CSMD1: variants seen among roughly 807,000 people sequenced by gnomAD.
CSMD1 encodes CUB and sushi domain-containing protein 1.
A neutral mutation model predicts 417.5 loss-of-function variants in CSMD1; 213 were observed. That is an observed-to-expected ratio of 0.51 (90% CI 0.46 to 0.57). The LOEUF (loss-of-function observed/expected upper bound fraction) is 0.57. Among genes scored for constraint, CSMD1 ranks in the 20% least tolerant of loss-of-function variants. The pLI is 0.00. For synonymous variants in CSMD1, 2,862 were observed against 1,736.8 expected, an observed-to-expected ratio of 1.65 and a Z score of -16.11; for missense variants, 6,923 against 4,529.7, an observed-to-expected ratio of 1.53 and a Z score of -15.17.
chr8:3,681,423 T>C (rs1314889110), intron 7 of CSMD1, among the ~76,000 whole-genome samples: 22 of 152,148 alleles, frequency 1.4e-4, no homozygotes, highest in Non-Finnish European at 1.5e-5. Flanking sequence ...AAATCATGAG[T>C]GAACTCCCAT....
intron 3 of CSMD1, among the ~76,000 whole-genome samples, chr8:4,303,309 G>T (rs774243501): frequency 6.6e-6 from 1 of 151,862 alleles, no homozygotes; most frequent in Non-Finnish European, 1.5e-5. Context: ...TTATAACCTG[G>T]CACTGACAAA....
At chr8:4,362,066 A>C (rs1801799026) in intron 3 of CSMD1, among the ~76,000 whole-genome samples, 1 of 152,186 alleles carries the variant, frequency 6.6e-6, no homozygotes, top group South Asian at 2.1e-4. Context: ...TGTGAAAATA[A>C]AGGCTGAGAT....
Position 4,281,702 on chromosome 8 carries a change from T to G in CSMD1, c.415+138251A>C, listed in dbSNP as rs117660544. On this transcript the variant is annotated intron_variant, in intron 3 of 69. Coordinates refer to ENST00000635120, the MANE Select transcript of CSMD1 (RefSeq NM_033225.6). ...GTATGTGATAACATATACATACAAG[T>G]CATTTTTTGTATAAACATTAAACGG... Among the ~76,000 whole-genome samples the G allele has an allele frequency of 3.1e-3, 475 of 152,346 alleles. 3 individuals are homozygous for G. Among genetic ancestry groups the G allele is most frequent in the Middle Eastern group, 6.8e-3 (2 of 294 alleles).
chr8:4,472,166 A>G (rs1032772318), intron 2 of CSMD1, among the ~76,000 whole-genome samples: 5 of 152,170 alleles, frequency 3.3e-5, no homozygotes, highest in Non-Finnish European at 2.9e-5. Flanking sequence ...TTAAATATTA[A>G]TTTTACTTTT....
chr8:4,920,673 A>G (rs1174478337), intron 1 of CSMD1, among the ~76,000 whole-genome samples: 1 of 151,850 alleles, frequency 6.6e-6, no homozygotes, highest in Non-Finnish European at 1.5e-5. Context: ...TACCAAAAAA[A>G]TAGCCATGCG....
At chr8:4,355,531 C>G (rs753992783) in intron 3 of CSMD1, among the ~76,000 whole-genome samples, 5 of 152,122 alleles carry the variant, frequency 3.3e-5, no homozygotes, top group Admixed American at 3.3e-4. Flanking sequence ...AAAGGAAGTT[C>G]TCCTTCAGTA....
intron 6 of CSMD1, among the ~76,000 whole-genome samples, chr8:3,716,860 A>G (rs558530107): frequency 6.6e-6 from 1 of 151,450 alleles, no homozygotes; most frequent in African/African-American, 2.4e-5. Context: ...CATCGGAATT[A>G]TCAAGAGTAA....
At chr8:3,221,117 G>C (rs1361493861) in intron 28 of CSMD1, among the ~76,000 whole-genome samples, 1 of 152,136 alleles carries the variant, frequency 6.6e-6, no homozygotes, top group Non-Finnish European at 1.5e-5. Flanking sequence ...AGCAACAGAA[G>C]TTCCCTCCTG....
At chr8:4,151,615 T>A (rs1042176685) in intron 3 of CSMD1, among the ~76,000 whole-genome samples, 1 of 152,178 alleles carries the variant, frequency 6.6e-6, no homozygotes, top group Non-Finnish European at 1.5e-5. Flanking sequence ...GATTGTGACA[T>A]GTAGTTTCAC....
In CSMD1 at chr8:4,753,058, C is replaced by A. The variant is rs184508124; in HGVS notation, c.86-115500G>T. 5.9e-5 allele frequency among the ~76,000 whole-genome samples: 9 copies of A among 152,222 alleles called. No individual in the cohort carries two copies. In the East Asian group the frequency reaches 1.7e-3, roughly 29 times the overall value. On this transcript the variant is annotated intron_variant, in intron 1 of 69. Coordinates refer to ENST00000635120, the MANE Select transcript of CSMD1 (RefSeq NM_033225.6). Reference sequence around the variant, plus strand: ...TAAGAGAAAATACATATTACTTTATCTCATTTAACCCTCACACCATCCTTA... The same window carrying A: ...TAAGAGAAAATACATATTACTTTATATCATTTAACCCTCACACCATCCTTA...
intron 50 of CSMD1, among the ~76,000 whole-genome samples, chr8:3,033,930 C>G (rs4370556): frequency 0.51 from 78,101 of 151,960 alleles, 20,418 homozygotes; most frequent in Non-Finnish European, 0.57. Flanking sequence ...AGTTGAGTCT[C>G]AGCTCATCAC....
chr8:4,803,955 G>T (rs1465241456), intron 1 of CSMD1, among the ~76,000 whole-genome samples: 1 of 152,154 alleles, frequency 6.6e-6, no homozygotes, highest in Non-Finnish European at 1.5e-5. Flanking sequence ...TGCAAGACAA[G>T]TCTTTACAGA....
intron 3 of CSMD1, among the ~76,000 whole-genome samples, chr8:4,095,340 C>T (rs535410541): frequency 6.6e-6 from 1 of 152,278 alleles, no homozygotes; most frequent in South Asian, 2.1e-4. Flanking sequence ...TTAGCAGCTT[C>T]CTGCATTGCC....
At chr8:3,583,221 A>G (rs1229777034) in intron 9 of CSMD1, among the ~76,000 whole-genome samples, 1 of 151,680 alleles carries the variant, frequency 6.6e-6, no homozygotes, top group African/African-American at 2.4e-5. Flanking sequence ...TCTCCATCCT[A>G]GTGGATTTGC....
chr8:4,947,108 A>C (rs1223393102), intron 1 of CSMD1, among the ~76,000 whole-genome samples: 3 of 152,214 alleles, frequency 2.0e-5, no homozygotes, highest in Non-Finnish European at 4.4e-5. Flanking sequence ...AGTCATCTAT[A>C]ACTACTTGTA....
chr8:3,983,953 T>G (rs1238613777), intron 5 of CSMD1, among the ~76,000 whole-genome samples: 1 of 150,786 alleles, frequency 6.6e-6, no homozygotes, highest in African/African-American at 2.5e-5. Flanking sequence ...TAGAGCACAT[T>G]GCAGATCTGA....
intron 1 of CSMD1, among the ~76,000 whole-genome samples, chr8:4,703,455 A>T (rs1807716075): frequency 6.6e-6 from 1 of 152,230 alleles, no homozygotes; most frequent in South Asian, 2.1e-4. Context: ...CCTATCTTGC[A>T]ATCACCAATG....
chr8:4,434,395 T>C lies in CSMD1; in HGVS notation c.303-14330A>G, dbSNP rs184222072. Among the ~76,000 whole-genome samples the C allele has an allele frequency of 1.8e-3, 280 of 152,266 alleles. 1 individual carries two copies. Among genetic ancestry groups the C allele is most frequent in the African/African-American group, 6.6e-3 (273 of 41,548 alleles). On this transcript the variant is annotated intron_variant, in intron 2 of 69. Coordinates refer to ENST00000635120, the MANE Select transcript of CSMD1 (RefSeq NM_033225.6). ...ACTAACTGGATCTAAGAACACTAAA[T>C]CTGAGTGTTTGGCAGCACAAGCCAC...
chr8:3,732,982 C>T (rs1796342825), intron 6 of CSMD1, among the ~76,000 whole-genome samples: 1 of 152,082 alleles, frequency 6.6e-6, no homozygotes, highest in Non-Finnish European at 1.5e-5. Flanking sequence ...TACCAACCTA[C>T]CTACCTACCT....
Sources: gnomAD v4.1 joint callset for allele counts (sites outside exome capture counted in the v4.1 genomes callset) on GRCh38, gnomAD v4.1.1 for gene constraint, MANE v1.5 for transcripts, NCBI Gene and HGNC (gene_info 2026-07-23, HGNC 2026-07-21) for gene names.